The following GCGR variants were observed in gnomAD, a reference collection of about 807,000 sequenced individuals.
GCGR encodes the protein glucagon receptor.
Under a neutral mutation model 56.1 loss-of-function variants are expected in GCGR, and 41 were observed. The observed-to-expected ratio is 0.73, with a 90% confidence interval of 0.57 to 0.95. The LOEUF is 0.95. Ranked by LOEUF, GCGR falls within the 40% of genes least tolerant of loss-of-function variation. The pLI is 0.00. For synonymous variants in GCGR, 278 were observed against 271.1 expected (o/e 1.03, Z -0.25); for missense variants, 595 against 638.2 (o/e 0.93, Z 0.73).
At position 81,813,581 on chromosome 17, in the gene GCGR, C is replaced by G. The variant is rs577064153; in HGVS notation, c.1326C>G (p.Gly442=). 172 of 1,536,506 alleles carry G rather than the reference C, an allele frequency of 1.1e-4. 1 individual carries two copies. The South Asian group carries it at 2.0e-3, about 18-fold the overall frequency. The change falls in exon 14 of 14, where the codon GGC becomes GGG. Residue 442 remains glycine, a synonymous_variant. Coordinates refer to ENST00000400723, the MANE Select transcript of GCGR (RefSeq NM_000160.5). The surrounding 1 kb of genome is among the most constrained non-coding windows in gnomAD (Gnocchi z 5.3). ...NHRASSSPGH[G]PPSKELQFGR... ...GGGCCTCATCTTCGCCCGGCCACGG[C>G]CCTCCCAGCAAGGAGCTGCAGTTTG...
Position 81,812,807 on chromosome 17 carries a change from G to T in GCGR, c.1038G>T (p.Arg346=), listed in dbSNP as rs1451419232. 6.5e-7 allele frequency: 1 copy of T among 1,535,670 alleles called. No homozygotes were observed. The highest frequency in any genetic ancestry group is 8.7e-7 in the Non-Finnish European group (1 of 1,146,732). The change falls in exon 12 of 14, where the codon CGG becomes CGT. Residue 346 remains arginine (R), a splice_region_variant and synonymous_variant. Coordinates refer to ENST00000400723, the MANE Select transcript of GCGR (RefSeq NM_000160.5). This position sits in a 1 kb window ranked among gnomAD's most constrained non-coding sequence, Gnocchi z 8.5. ...GGTGACTCAGGCGCTGCCTCTGCAG[G>T]CTGGCCAAGTCCACGCTGACCCTCA... ...RQMHHTDYKF[R]LAKSTLTLIP...
rs2037892944 is a variant in GCGR at position 81,804,182 on chromosome 17, C to G, written c.-245C>G. On this transcript the variant is annotated 5_prime_UTR_variant, in exon 1 of 14. Coordinates refer to ENST00000400723, the MANE Select transcript of GCGR (RefSeq NM_000160.5). This position sits in a 1 kb window ranked among gnomAD's most constrained non-coding sequence, Gnocchi z 8.2. ...CAGCGCCGCGAAGACGAGCGGTCAC[C>G]GGCGCCCGACCCGAGCGCGCCCAGA... is the stretch of plus-strand genomic sequence containing the variant. 6.6e-6 allele frequency: 1 copy of G among 151,474 alleles called. No individual in the cohort carries two copies. Among genetic ancestry groups the G allele is most frequent in the Non-Finnish European group, 1.5e-5 (1 of 67,728 alleles). The allele number at this position is 151,474 out of a possible 1,614,324, so 9.4% of individuals were successfully genotyped here.
At chr17:81,805,943 C>T (rs897201509) in intron 1 of GCGR, among the ~76,000 whole-genome samples, 3 of 152,060 alleles carry the variant, frequency 2.0e-5, no homozygotes, top group African/African-American at 4.8e-5. Context: ...GACCGGGGCC[C>T]GGGGGTGTCA....
chr17:81,812,392 A>G lies in GCGR; in HGVS notation c.948+140A>G, dbSNP rs1435607741. On this transcript the variant is annotated intron_variant, in intron 10 of 13. Transcript: ENST00000400723. This position sits in a 1 kb window ranked among gnomAD's most constrained non-coding sequence, Gnocchi z 8.5. Reference sequence around the variant, plus strand: ...CAGACAGGACACCAGGACACTGGCCAGCACCCTGGACACTGAGCCAGGCTG... The same window carrying G: ...CAGACAGGACACCAGGACACTGGCCGGCACCCTGGACACTGAGCCAGGCTG... The G allele has an allele frequency of 9.2e-7, 1 of 1,091,294 alleles. No homozygotes were observed. Among genetic ancestry groups the G allele is most frequent in the Non-Finnish European group, 1.3e-6 (1 of 758,082 alleles). 67.6% of individuals were successfully genotyped at this position (1,091,294 alleles called of 1,614,324 possible).
chr17:81,809,968 T>A, intron 3 of GCGR, 84 bp downstream of exon 3: 3 of 1,068,042 alleles, frequency 2.8e-6, no homozygotes, highest in Non-Finnish European at 4.2e-6. Flanking sequence ...TCCTGGGTGC[T>A]TATGCAGCCT....
chr17:81,806,360 T>C lies in GCGR; in HGVS notation c.-178+2111T>C, dbSNP rs866382876. Among the ~76,000 whole-genome samples the C allele has an allele frequency of 1.3e-5, 2 of 152,240 alleles. No individual in the cohort carries two copies. Among genetic ancestry groups the C allele is most frequent in the South Asian group, 4.1e-4 (2 of 4,826 alleles). ...GGGATCCGGGACTAGGGGTGCCCTA[T>C]GGGGAGCCCACCTGTGGCCTGTGGA... On this transcript the variant is annotated intron_variant, in intron 1 of 13. Transcript: ENST00000400723. This position sits in a 1 kb window ranked among gnomAD's most constrained non-coding sequence, Gnocchi z 6.5.
At position 81,810,358 on chromosome 17, in the gene GCGR, T is replaced by C. The variant is rs2038067518; in HGVS notation, c.164-467T>C. 1 of 324,956 alleles carries C rather than the reference T, an allele frequency of 3.1e-6. No individual in the cohort carries two copies. Among genetic ancestry groups the C allele is most frequent in the African/African-American group, 2.1e-5 (1 of 46,766 alleles). The allele number at this position is 324,956 out of a possible 1,614,324, so 20.1% of individuals were successfully genotyped here. ...TTCGGATGAGGGAGGCAGCCACCAC[T>C]GGGCAGAGGGGGGCAGGTGTGGCAG... is the stretch of plus-strand genomic sequence containing the variant. On this transcript the variant is annotated intron_variant, in intron 3 of 13. Coordinates refer to ENST00000400723, the MANE Select transcript of GCGR (RefSeq NM_000160.5). This position sits in a 1 kb window ranked among gnomAD's most constrained non-coding sequence, Gnocchi z 4.6.
At chr17:81,809,223 TCTGC>T (rs1006914770) in intron 2 of GCGR, 145 bp downstream of exon 2, 2 of 987,856 alleles carry the variant, frequency 2.0e-6, no homozygotes, top group Non-Finnish European at 3.0e-6. Flanking sequence ...TGCCTGTCTG[TCTGC>T]CTGTCCGTCT....
Position 81,812,299 on chromosome 17 carries a change from T to G in GCGR, c.948+47T>G, listed in dbSNP as rs1457345168. ...AGCGCACCCCAGGCCCCTCCTCCCT[T>G]GGCGTCCTGAGGCTGCCCCAGGAGA... On this transcript the variant is annotated intron_variant, in intron 10 of 13. Transcript: ENST00000400723. This position sits in a 1 kb window ranked among gnomAD's most constrained non-coding sequence, Gnocchi z 8.5. 2 of 1,529,904 alleles carry G rather than the reference T, an allele frequency of 1.3e-6. No individual in the cohort carries two copies. Among genetic ancestry groups the G allele is most frequent in the African/African-American group, 2.7e-5 (2 of 72,956 alleles). The allele number at this position is 1,529,904 out of a possible 1,614,324, so 94.8% of individuals were successfully genotyped here.
Position 81,812,180 on chromosome 17 carries a change from C to T in GCGR, c.879-3C>T. The T allele has an allele frequency of 6.5e-7, 1 of 1,536,182 alleles. No individual in the cohort carries two copies. The highest frequency in any genetic ancestry group is 1.2e-5 in the South Asian group (1 of 84,034). On this transcript the variant is annotated splice_region_variant and splice_polypyrimidine_tract_variant and intron_variant, in intron 9 of 13. Coordinates refer to ENST00000400723, the MANE Select transcript of GCGR (RefSeq NM_000160.5). The surrounding 1 kb of genome is among the most constrained non-coding windows in gnomAD (Gnocchi z 8.5). ...CCAGTATGTGAGTGGCCTGGCCTCG[C>T]AGGTGCTGGACCAGCAATGACAACA...
chr17:81,809,726 T>A lies in GCGR; in HGVS notation c.61-56T>A. ...GCCTGTCTGCCTGTCTGTCTGCCTGTCTGTCTGCCTGCCTGTCTGTCTGTC... is the reference window on the plus strand; with the variant it reads ...GCCTGTCTGCCTGTCTGTCTGCCTGACTGTCTGCCTGCCTGTCTGTCTGTC... On this transcript the variant is annotated intron_variant, in intron 2 of 13. Transcript: ENST00000400723. The A allele has an allele frequency of 2.3e-6, 3 of 1,300,270 alleles. No homozygotes were observed. In the South Asian group the frequency reaches 3.8e-5, roughly 16 times the overall value. 80.5% of individuals were successfully genotyped at this position (1,300,270 alleles called of 1,614,324 possible). A position where few individuals can be genotyped will look rare whatever the true frequency, so the allele number is the denominator to read the frequency against.
chr17:81,813,961 C>A lies in GCGR; in HGVS notation c.*272C>A. On this transcript the variant is annotated 3_prime_UTR_variant, in exon 14 of 14. Transcript: ENST00000400723. This position sits in a 1 kb window ranked among gnomAD's most constrained non-coding sequence, Gnocchi z 5.3. ...AGTGTCCCCACGTATGTCGGCACGT[C>A]CCATGTGCATGGAAATGTCCTCCAA... 1.9e-6 allele frequency: 1 copy of A among 515,302 alleles called. No individual in the cohort carries two copies. Among genetic ancestry groups the A allele is most frequent in the Non-Finnish European group, 3.5e-6 (1 of 286,370 alleles). 31.9% of individuals were successfully genotyped at this position (515,302 alleles called of 1,614,324 possible). A position where few individuals can be genotyped will look rare whatever the true frequency, so the allele number is the denominator to read the frequency against.
chr17:81,809,383 C>G, intron 2 of GCGR, among the ~76,000 whole-genome samples: 1 of 145,432 alleles, frequency 6.9e-6, no homozygotes, highest in Non-Finnish European at 1.5e-5. Context: ...TGTCTGCTGC[C>G]TGTCTGTCCG....
rs925507382 is a variant in GCGR at position 81,808,873 on chromosome 17, G to C, written c.-146G>C. The C allele has an allele frequency of 3.1e-6, 3 of 955,932 alleles. No homozygotes were observed. The highest frequency in any genetic ancestry group is 3.2e-5 in the African/African-American group (2 of 62,018). 59.2% of individuals were successfully genotyped at this position (955,932 alleles called of 1,614,324 possible). On this transcript the variant is annotated 5_prime_UTR_variant, in exon 2 of 14. Coordinates refer to ENST00000400723, the MANE Select transcript of GCGR (RefSeq NM_000160.5). ...GAGGCTCAGAGGGGCAGCTTCAGGG[G>C]AGGACACCCCACTGGCCAGGACGCC...
At position 81,809,021 on chromosome 17, in the gene GCGR, G is replaced by GC. The variant is rs1196623695; in HGVS notation, c.9dup (p.Cys4LeufsTer31). On this transcript the variant is annotated frameshift_variant, in exon 2 of 14. Coordinates refer to ENST00000400723, the MANE Select transcript of GCGR (RefSeq NM_000160.5). LOFTEE classifies it high-confidence loss of function. The stretch of plus-strand genomic sequence containing the variant: ...GAGGCAGCTAGCTGCCCAGAGGCAT[G>GC]CCCCCCTGCCAGCCACAGCGACCCC... 2 of 1,535,844 alleles carry GC rather than the reference G, an allele frequency of 1.3e-6. No homozygotes were observed. The highest frequency in any genetic ancestry group is 1.7e-6 in the Non-Finnish European group (2 of 1,146,864).
intron 2 of GCGR, 128 bp downstream of exon 2, chr17:81,809,206 GC>G: frequency 1.8e-6 from 2 of 1,126,842 alleles, no homozygotes; most frequent in East Asian, 2.6e-5. Flanking sequence ...CCGTCTGCCT[GC>G]CCATCTGCCT....
chr17:81,811,591 G>T lies in GCGR; in HGVS notation c.657+31G>T. The stretch of plus-strand genomic sequence containing the variant: ...CCCCCCTCGGCGGCCCCAGGCAGGT[G>T]GGTGGGTGGGCAGCCAGGCAGGTGG... On this transcript the variant is annotated intron_variant, in intron 7 of 13. Transcript: ENST00000400723. The surrounding 1 kb of genome is among the most constrained non-coding windows in gnomAD (Gnocchi z 5.8). The T allele has an allele frequency of 1.3e-6, 2 of 1,536,016 alleles. No individual in the cohort carries two copies. The highest frequency in any genetic ancestry group is 2.0e-5 in the Admixed American group (1 of 51,002).
chr17:81,806,976 C>T lies in GCGR; in HGVS notation c.-177-1866C>T, dbSNP rs147066469. On this transcript the variant is annotated intron_variant, in intron 1 of 13. Coordinates refer to ENST00000400723, the MANE Select transcript of GCGR (RefSeq NM_000160.5). The surrounding 1 kb of genome is among the most constrained non-coding windows in gnomAD (Gnocchi z 6.5). ...AGCCTGCCCACCTAGCAGTGCCCCT[C>T]GTCCAGGGCCCCTCTGGGTTGGGGG... is the stretch of plus-strand genomic sequence containing the variant. Among the ~76,000 whole-genome samples, 1,384 of 152,282 alleles carry T rather than the reference C, an allele frequency of 9.1e-3. 11 individuals carry two copies. Among genetic ancestry groups the T allele is most frequent in the Non-Finnish European group, 0.014 (966 of 67,996 alleles).
chr17:81,813,714 C>G lies in GCGR; in HGVS notation c.*25C>G, dbSNP rs1405497571. ...AACCCTGCTGGGACCCCAGCTAGGG[C>G]TGGACTCTGGCACCCAGAGGGCGTC... On this transcript the variant is annotated 3_prime_UTR_variant, in exon 14 of 14. Coordinates refer to ENST00000400723, the MANE Select transcript of GCGR (RefSeq NM_000160.5). The surrounding 1 kb of genome is among the most constrained non-coding windows in gnomAD (Gnocchi z 5.3). The G allele has an allele frequency of 7.2e-6, 11 of 1,527,736 alleles. No homozygotes were observed. The highest frequency in any genetic ancestry group is 9.6e-6 in the Non-Finnish European group (11 of 1,141,374). The allele number at this position is 1,527,736 out of a possible 1,614,324, so 94.6% of individuals were successfully genotyped here.
Sources: gnomAD v4.1 joint callset for allele counts (sites outside exome capture counted in the v4.1 genomes callset) on GRCh38, gnomAD v4.1.1 for gene constraint, Gnocchi (gnomAD v3.1) non-coding constraint, MANE v1.5 for transcripts, NCBI Gene and HGNC (gene_info 2026-07-23, HGNC 2026-07-21) for gene names.